The following ZFHX3 variants were observed in gnomAD, a reference collection of about 807,000 sequenced individuals.
The protein encoded by ZFHX3 is zinc finger homeobox 3.
ZFHX3 carries 42 observed loss-of-function variants against 279.1 expected under a neutral mutation model. That is an observed-to-expected ratio of 0.15 (90% CI 0.12 to 0.19). The LOEUF is 0.19. Among genes scored for constraint, ZFHX3 ranks in the 10% least tolerant of loss-of-function variants. The pLI is 1.00. For synonymous variants in ZFHX3, 2,293 were observed against 1,957.8 expected (o/e 1.17, Z -4.52); for missense variants, 4,981 against 4,754.0 (o/e 1.05, Z -1.40).
chr16:73,878,347 G>C (rs1420875786), intron 1 of ZFHX3, among the ~76,000 whole-genome samples: 1 of 152,122 alleles, frequency 6.6e-6, no homozygotes, highest in Non-Finnish European at 1.5e-5. Context: ...TTTGAAAACA[G>C]TTAATAAAGA....
intron 1 of ZFHX3, among the ~76,000 whole-genome samples, chr16:73,701,327 C>G (rs2053244398): frequency 6.6e-6 from 1 of 152,124 alleles, no homozygotes; most frequent in South Asian, 2.1e-4. Flanking sequence ...AATGTATTTG[C>G]AAACATTAAC....
upstream of ZFHX3, among the ~76,000 whole-genome samples, chr16:73,063,958 G>T (rs563857725): frequency 1.3e-5 from 2 of 152,234 alleles, no homozygotes; most frequent in South Asian, 4.2e-4. Context: ...CCAGGTTGAG[G>T]GTCCCCGCGC....
chr16:73,465,095 A>G (rs6564255), intron 2 of ZFHX3, among the ~76,000 whole-genome samples: 122,443 of 152,154 alleles, frequency 0.8, 49,414 homozygotes, highest in Non-Finnish European at 0.83. Flanking sequence ...TGTCTCCTCA[A>G]CTCATGCTCG....
At chr16:73,278,635 G>A (rs2014371736) in intron 4 of ZFHX3, among the ~76,000 whole-genome samples, 1 of 152,180 alleles carries the variant, frequency 6.6e-6, no homozygotes, top group Admixed American at 6.5e-5. Flanking sequence ...CCCCACCCAC[G>A]TTCCGTTTTT....
chr16:72,868,318 G>A (rs1456730593), intron 4 of ZFHX3, among the ~76,000 whole-genome samples: 1 of 151,992 alleles, frequency 6.6e-6, no homozygotes, highest in Non-Finnish European at 1.5e-5. Context: ...TGGAGAATCA[G>A]CGCCTATCCA....
At chr16:72,792,041 T>C (rs1205402387) in intron 9 of ZFHX3, among the ~76,000 whole-genome samples, 2 of 152,072 alleles carry the variant, frequency 1.3e-5, no homozygotes, top group African/African-American at 2.4e-5. Context: ...ATTCAGGCCA[T>C]TGTGGGGGGA....
rs747230047 is a variant in ZFHX3 at position 73,021,073 on chromosome 16, G to A, written c.-50+26679C>T. On this transcript the variant is annotated intron_variant, in intron 1 of 9. Transcript: ENST00000268489. ...ATGAAGCTCCTTAAATTATTTTCCC[G>A]ATGTCCTCAGACAGACTTGGCACCT... 5.3e-5 allele frequency among the ~76,000 whole-genome samples: 8 copies of A among 152,256 alleles called. 1 individual carries two copies. The highest frequency in any genetic ancestry group is 6.8e-3 in the Middle Eastern group (2 of 294).
chr16:73,394,562 G>A (rs1165096342), intron 3 of ZFHX3, among the ~76,000 whole-genome samples: 1 of 152,124 alleles, frequency 6.6e-6, no homozygotes, highest in African/African-American at 2.4e-5. Context: ...CTCCCAAAGT[G>A]CTGGGATTAC....
At chr16:73,702,985 G>A (rs1161542585) in intron 1 of ZFHX3, among the ~76,000 whole-genome samples, 4 of 152,152 alleles carry the variant, frequency 2.6e-5, no homozygotes, top group South Asian at 2.1e-4. Context: ...TAGAGGCAGC[G>A]ATGATAGCGA....
intron 5 of ZFHX3, among the ~76,000 whole-genome samples, chr16:73,228,916 C>T (rs907661239): frequency 2.6e-5 from 4 of 152,094 alleles, no homozygotes; most frequent in Admixed American, 6.5e-5. Flanking sequence ...TTTTGGAAGA[C>T]GTCGTGGCTT....
intron 4 of ZFHX3, among the ~76,000 whole-genome samples, chr16:73,276,216 T>C (rs2014298965): frequency 1.3e-5 from 2 of 150,726 alleles, no homozygotes; most frequent in South Asian, 4.2e-4. Flanking sequence ...AGAGTTTCGC[T>C]CTTGTTACCC....
intron 5 of ZFHX3, among the ~76,000 whole-genome samples, chr16:73,187,059 C>A (rs1427260239): frequency 6.6e-6 from 1 of 151,662 alleles, no homozygotes; most frequent in East Asian, 1.9e-4. Flanking sequence ...CTGTGGAAAT[C>A]AAATCAAATC....
chr16:73,735,832 T>G (rs2053604351), intron 1 of ZFHX3, among the ~76,000 whole-genome samples: 1 of 152,044 alleles, frequency 6.6e-6, no homozygotes, highest in South Asian at 2.1e-4. Flanking sequence ...GAATTAGTGT[T>G]GCCCATAGGT....
chr16:73,695,305 A>G (rs9940991), intron 1 of ZFHX3, among the ~76,000 whole-genome samples: 143,247 of 149,766 alleles, frequency 0.96, 68,531 homozygotes, highest in East Asian at 1. Flanking sequence ...GCGCGATCTC[A>G]GCTCACTGCA....
chr16:73,515,482 G>A (rs2019503680), intron 2 of ZFHX3, among the ~76,000 whole-genome samples: 1 of 148,506 alleles, frequency 6.7e-6, no homozygotes, highest in Non-Finnish European at 1.5e-5. Flanking sequence ...AGAGGAAAAA[G>A]AAGAAACAGA....
chr16:73,622,720 GC>G (rs1043512853), intron 2 of ZFHX3, among the ~76,000 whole-genome samples: 1 of 151,936 alleles, frequency 6.6e-6, no homozygotes, highest in African/African-American at 2.4e-5. Context: ...CTCTGGTATC[GC>G]CCCCCCAACC....
chr16:73,598,758 C>G (rs2052079862), intron 2 of ZFHX3, among the ~76,000 whole-genome samples: 1 of 151,570 alleles, frequency 6.6e-6, no homozygotes, highest in East Asian at 2.0e-4. Context: ...TTCAAATACT[C>G]TCTTTTTTGT....
chr16:73,634,435 TA>T (rs36101872), intron 2 of ZFHX3, among the ~76,000 whole-genome samples: 6,670 of 130,466 alleles, frequency 0.051, 204 homozygotes, highest in African/African-American at 0.078. Flanking sequence ...TTATGTATAA[TA>T]TATATATATA....
intron 2 of ZFHX3, among the ~76,000 whole-genome samples, chr16:72,954,858 T>A (rs1380478152): frequency 6.6e-6 from 1 of 152,182 alleles, no homozygotes; most frequent in African/African-American, 2.4e-5. Context: ...AAGAGGGCTC[T>A]GCCAAGGGAA....
Sources: allele counts gnomAD v4.1 joint callset (sites outside exome capture counted in the v4.1 genomes callset), GRCh38; gene constraint gnomAD v4.1.1; transcripts MANE v1.5; gene names NCBI Gene and HGNC (gene_info 2026-07-23, HGNC 2026-07-21).